The following B3GNT2 variants were observed in gnomAD, a reference collection of about 807,000 sequenced individuals.
B3GNT2 encodes N-acetyllactosaminide beta-1,3-N-acetylglucosaminyltransferase 2.
Under a neutral mutation model 27.6 loss-of-function variants are expected in B3GNT2, and 12 were observed. The ratio of observed to expected loss-of-function variants is 0.44; its 90% CI spans 0.28 to 0.71. The LOEUF (loss-of-function observed/expected upper bound fraction) is 0.71. Ranked by LOEUF, B3GNT2 falls within the 30% of genes least tolerant of loss-of-function variation. The pLI, the probability that B3GNT2 is intolerant of heterozygous loss-of-function variation, is 0.17. For synonymous variants in B3GNT2, 192 were observed against 189.7 expected, an observed-to-expected ratio of 1.01 and a Z score of -0.10; for missense variants, 413 against 488.5, an observed-to-expected ratio of 0.85 and a Z score of 1.46.
chr2:62,208,201 C>T (rs1674414247), intron 1 of B3GNT2, among the ~76,000 whole-genome samples: 1 of 151,082 alleles, frequency 6.6e-6, no homozygotes, highest in South Asian at 2.1e-4. Flanking sequence ...CAACAGATTC[C>T]TCCTTCCTTC....
intron 1 of B3GNT2, among the ~76,000 whole-genome samples, chr2:62,211,363 C>A (rs958086086): frequency 1.3e-5 from 2 of 151,852 alleles, no homozygotes; most frequent in African/African-American, 4.8e-5. Flanking sequence ...CCCCCCCGTC[C>A]CCCCCAAAAA....
At chr2:62,196,973 C>G (rs1015949793) in intron 1 of B3GNT2, among the ~76,000 whole-genome samples, 1 of 152,092 alleles carries the variant, frequency 6.6e-6, no homozygotes, top group Admixed American at 6.5e-5. Context: ...CTTCTGTCTC[C>G]GGCTCCCCCA....
intron 1 of B3GNT2, among the ~76,000 whole-genome samples, chr2:62,206,900 T>C (rs1674386214): frequency 6.6e-6 from 1 of 152,210 alleles, no homozygotes; most frequent in South Asian, 2.1e-4. Flanking sequence ...GAGCATATTC[T>C]CTTTTAAGAA....
At chr2:62,219,346 T>A (rs1674638433) in intron 1 of B3GNT2, among the ~76,000 whole-genome samples, 1 of 152,232 alleles carries the variant, frequency 6.6e-6, no homozygotes, top group African/African-American at 2.4e-5. Flanking sequence ...GTAGTTTTGC[T>A]CTGTCACCCA....
At chr2:62,203,801 G>A (rs560892161) in intron 1 of B3GNT2, among the ~76,000 whole-genome samples, 8 of 152,160 alleles carry the variant, frequency 5.3e-5, no homozygotes, top group African/African-American at 1.9e-4. Context: ...ACTGGCTGAT[G>A]TAGAGAACTT....
intron 1 of B3GNT2, among the ~76,000 whole-genome samples, 161 bp downstream of exon 1, chr2:62,196,516 C>A (rs1674145468): frequency 6.6e-6 from 1 of 152,350 alleles, no homozygotes; most frequent in Non-Finnish European, 1.5e-5. Flanking sequence ...GCTTCGTACC[C>A]GCGCCCCGGT....
intron 1 of B3GNT2, among the ~76,000 whole-genome samples, chr2:62,202,897 C>T (rs1674296396): frequency 6.6e-6 from 1 of 152,164 alleles, no homozygotes; most frequent in Non-Finnish European, 1.5e-5. Context: ...ACTCCAGGCA[C>T]AAGGCCCCCA....
intron 1 of B3GNT2, among the ~76,000 whole-genome samples, chr2:62,209,576 CA>C (rs1314785357): frequency 1.3e-5 from 2 of 152,284 alleles, no homozygotes. Flanking sequence ...CCCAGGAATT[CA>C]AGACCAGATG....
intron 1 of B3GNT2, among the ~76,000 whole-genome samples, chr2:62,198,165 G>T (rs1674191194): frequency 6.6e-6 from 1 of 152,306 alleles, no homozygotes. Context: ...TGTGCAGGCG[G>T]CATTTGTATG....
intron 1 of B3GNT2, among the ~76,000 whole-genome samples, chr2:62,206,756 C>T (rs1186871628): frequency 6.6e-6 from 1 of 152,132 alleles, no homozygotes; most frequent in Non-Finnish European, 1.5e-5. Context: ...CTCTTTGTGC[C>T]TGCTTTTGGA....
At position 62,210,224 on chromosome 2, in the gene B3GNT2, G is replaced by A. The variant is rs983090928; in HGVS notation, c.-9-11988G>A. ...CCTCCTCGAGCAACGGTATTGTGTG[G>A]TAGAAAGTATAAGAGCTTAGACCCA... On this transcript the variant is annotated intron_variant, in intron 1 of 1. Coordinates refer to ENST00000301998, the MANE Select transcript of B3GNT2 (RefSeq NM_006577.6). Among the ~76,000 whole-genome samples the A allele has an allele frequency of 4.6e-5, 7 of 152,176 alleles. No individual in the cohort carries two copies. The South Asian group carries it at 1.4e-3, about 32-fold the overall frequency.
At chr2:62,196,431 C>A (rs1360139176) in intron 1 of B3GNT2, 76 bp downstream of exon 1, 1 of 152,790 alleles carries the variant, frequency 6.5e-6, no homozygotes, top group Non-Finnish European at 1.5e-5. Context: ...TCTACCAGTC[C>A]CCTTCCGCCT....
intron 1 of B3GNT2, among the ~76,000 whole-genome samples, chr2:62,214,262 G>T (rs143511659): frequency 4.8e-4 from 73 of 152,332 alleles, no homozygotes; most frequent in African/African-American, 1.7e-3. Flanking sequence ...GTGTCCAGGG[G>T]ACTGAAGACT....
At chr2:62,198,434 T>TA (rs1558630046) in intron 1 of B3GNT2, among the ~76,000 whole-genome samples, 1 of 152,214 alleles carries the variant, frequency 6.6e-6, no homozygotes, top group Admixed American at 6.5e-5. Context: ...CTGTAATCAA[T>TA]AGAGAAGTTC....
intron 1 of B3GNT2, among the ~76,000 whole-genome samples, chr2:62,211,599 G>T (rs1674484000): frequency 6.6e-6 from 1 of 152,148 alleles, no homozygotes; most frequent in South Asian, 2.1e-4. Context: ...TCTGTTTTAA[G>T]TAGAGGGGAC....
At chr2:62,209,177 T>C (rs911959260) in intron 1 of B3GNT2, among the ~76,000 whole-genome samples, 1 of 152,146 alleles carries the variant, frequency 6.6e-6, no homozygotes, top group African/African-American at 2.4e-5. Flanking sequence ...TCTGTTTTTA[T>C]GTTGATAGCC....
intron 1 of B3GNT2, among the ~76,000 whole-genome samples, chr2:62,211,298 G>A (rs1431903475): frequency 2.0e-5 from 3 of 152,202 alleles, no homozygotes; most frequent in African/African-American, 7.2e-5. Context: ...TGAGGCTGCA[G>A]TGAGCTGTGA....
chr2:62,206,482 T>G lies in B3GNT2; in HGVS notation c.-10+10127T>G, dbSNP rs146280242. 2.9e-3 allele frequency among the ~76,000 whole-genome samples: 437 copies of G among 152,224 alleles called. 5 individuals are homozygous for G. The highest frequency in any genetic ancestry group is 0.01 in the African/African-American group (419 of 41,534). ...GGTTAATTTGTTTTATTATAAGGAG[T>G]GTCCTTGATACCTTTATCTCATTTC... On this transcript the variant is annotated intron_variant, in intron 1 of 1. Transcript: ENST00000301998.
chr2:62,196,925 G>C (rs1215608303), intron 1 of B3GNT2, among the ~76,000 whole-genome samples: 1 of 152,036 alleles, frequency 6.6e-6, no homozygotes, highest in African/African-American at 2.4e-5. Flanking sequence ...AAGAGCCGCC[G>C]GCAGCCGCTC....
Sources: allele counts gnomAD v4.1 joint callset (sites outside exome capture counted in the v4.1 genomes callset), GRCh38; gene constraint gnomAD v4.1.1; transcripts MANE v1.5; gene names NCBI Gene and HGNC (gene_info 2026-07-23, HGNC 2026-07-21).